The following ECT2 variants were observed in gnomAD, a reference collection of about 807,000 sequenced individuals.
ECT2 encodes protein ECT2.
ECT2 carries 61 observed loss-of-function variants against 116.9 expected under a neutral mutation model. The ratio of observed to expected loss-of-function variants is 0.52; its 90% confidence interval spans 0.42 to 0.65. The LOEUF (loss-of-function observed/expected upper bound fraction) is 0.65, where lower values mean the gene tolerates loss of function less well. Among genes scored for constraint, ECT2 ranks in the 30% least tolerant of loss-of-function variants. ECT2 has a pLI of 0.00. For missense variants in ECT2, 937 were observed against 1,078.7 expected, an observed-to-expected ratio of 0.87 and a Z score of 1.84; for synonymous variants, 358 against 346.4, an observed-to-expected ratio of 1.03 and a Z score of -0.37.
At chr3:172,793,808 G>A (rs559192756) in intron 18 of ECT2, among the ~76,000 whole-genome samples, 5 of 152,112 alleles carry the variant, frequency 3.3e-5, no homozygotes, top group Non-Finnish European at 7.4e-5. Context: ...ATGTTTGGTT[G>A]TCTTTCCTGG....
intron 24 of ECT2, chr3:172,818,674 C>T (rs1489491960): frequency 1.3e-5 from 17 of 1,288,990 alleles, no homozygotes; most frequent in East Asian, 5.6e-5. Flanking sequence ...TTCTGCTTTC[C>T]GAGCTAGTTT....
At chr3:172,798,405 T>C (rs1204385462) in intron 18 of ECT2, among the ~76,000 whole-genome samples, 1 of 152,130 alleles carries the variant, frequency 6.6e-6, no homozygotes, top group Non-Finnish European at 1.5e-5. Flanking sequence ...AATGATTCTA[T>C]CCAACAAGTG....
chr3:172,818,096 A>G (rs1174752387), intron 24 of ECT2, among the ~76,000 whole-genome samples: 1 of 152,128 alleles, frequency 6.6e-6, no homozygotes, highest in Non-Finnish European at 1.5e-5. Context: ...TATTTATAAA[A>G]TTTCCGCAGG....
At chr3:172,785,145 G>A (rs376455021) in intron 17 of ECT2, among the ~76,000 whole-genome samples, 5 of 152,092 alleles carry the variant, frequency 3.3e-5, no homozygotes, top group Admixed American at 6.6e-5. Context: ...TGTATGTCCC[G>A]ACTTTTTTGT....
At chr3:172,767,052 G>C (rs1719539792) in intron 12 of ECT2, among the ~76,000 whole-genome samples, 1 of 152,324 alleles carries the variant, frequency 6.6e-6, no homozygotes, top group Non-Finnish European at 1.5e-5. Context: ...TCCCACTGAA[G>C]TATATTCTGT....
Position 172,782,207 on chromosome 3 carries a change from C to T in ECT2, c.1593C>T (p.Ser531=). Residue 531 remains serine (S), a synonymous_variant, in exon 15 of 25, where the codon AGC becomes AGT. Transcript: ENST00000392692. The part of the protein sequence containing the change: ...DLIVNWDESK[S]IGDIFLKYSK... Reference sequence around the variant, plus strand: ...TAGTTAATTGGGATGAGAGCAAAAGCATTGGTGACATTTTTCTGAAATATG... The same window carrying T: ...TAGTTAATTGGGATGAGAGCAAAAGTATTGGTGACATTTTTCTGAAATATG... 6.4e-7 allele frequency: 1 copy of T among 1,570,588 alleles called. No individual in the cohort carries two copies.
At chr3:172,828,483 T>TAG in the ECT2 span, among the ~76,000 whole-genome samples, 4 of 152,144 alleles carry the variant, frequency 2.6e-5, no homozygotes, top group Non-Finnish European at 4.4e-5. Context: ...AGGTTTATTA[T>TAG]AGAGCTGTAG....
intron 12 of ECT2, 109 bp downstream of exon 12, chr3:172,764,609 T>A: frequency 1.0e-6 from 1 of 996,960 alleles, no homozygotes; most frequent in Non-Finnish European, 1.5e-6. Flanking sequence ...TGCCTTTAAT[T>A]ACCTTTGTTC....
chr3:172,818,010 GTTA>G (rs1285501928), intron 24 of ECT2, among the ~76,000 whole-genome samples: 2 of 152,102 alleles, frequency 1.3e-5, no homozygotes, highest in Non-Finnish European at 2.9e-5. Context: ...GATTAAGCGA[GTTA>G]TTATATGTAA....
intron 20 of ECT2, among the ~76,000 whole-genome samples, chr3:172,804,347 A>C (rs1036920955): frequency 6.6e-6 from 1 of 152,082 alleles, no homozygotes; most frequent in Non-Finnish European, 1.5e-5. Flanking sequence ...TTTTTGGTCA[A>C]TCATGTTGCA....
chr3:172,787,507 T>C (rs536290671), intron 18 of ECT2, among the ~76,000 whole-genome samples: 27 of 152,324 alleles, frequency 1.8e-4, no homozygotes, highest in Non-Finnish European at 2.2e-4. Context: ...TCTGCAGATA[T>C]GGAGGGCCAA....
chr3:172,786,370 TTTAAAAAATAAGGATTGAATA>T, intron 17 of ECT2, 102 bp from the exon 18 acceptor site: 1 of 633,638 alleles, frequency 1.6e-6, no homozygotes, highest in Non-Finnish European at 2.7e-6. Flanking sequence ...CTTAAAACTT[TTTAAAAAATAAGGATTGAATA>T]TTATCTTTAA....
At chr3:172,754,812 C>A (rs1716635155) in intron 2 of ECT2, 152 bp downstream of exon 2, 13 of 630,154 alleles carry the variant, frequency 2.1e-5, no homozygotes, top group Non-Finnish European at 2.9e-5. Flanking sequence ...TACACTATGT[C>A]ATTTTTCTGA....
At chr3:172,795,740 T>C (rs977541145) in intron 18 of ECT2, among the ~76,000 whole-genome samples, 2 of 152,186 alleles carry the variant, frequency 1.3e-5, no homozygotes, top group African/African-American at 2.4e-5. Context: ...GCAAGTAATT[T>C]GAAATCTTTA....
chr3:172,812,134 C>T (rs1000111085), intron 22 of ECT2, among the ~76,000 whole-genome samples: 6 of 152,004 alleles, frequency 3.9e-5, no homozygotes, highest in Admixed American at 6.6e-5. Flanking sequence ...CAGACGTGCA[C>T]GACCATGCCC....
In ECT2 at chr3:172,773,955, C is replaced by T; in HGVS notation, c.1481C>T (p.Ala494Val). The T allele has an allele frequency of 6.2e-7, 1 of 1,612,844 alleles. No homozygotes were observed. The highest frequency in any genetic ancestry group is 8.5e-7 in the Non-Finnish European group (1 of 1,178,916). Residue 494 changes from alanine to valine, a missense_variant, in exon 14 of 25, where the codon GCA becomes GTA. Transcript: ENST00000392692. ...EEGQRGGPILAPEEIKTIFGS... is the reference protein window; with the variant it reads ...EEGQRGGPILVPEEIKTIFGS... ...GGACAACGTGGTGGACCTATCCTTG[C>T]ACCAGAGGAGATTAAGACTATTTTT...
intron 11 of ECT2, among the ~76,000 whole-genome samples, chr3:172,763,407 C>A (rs1025697108): frequency 2.0e-5 from 3 of 152,120 alleles, no homozygotes; most frequent in African/African-American, 7.2e-5. Context: ...TTCGTTAGAA[C>A]CCCAATTGGG....
chr3:172,772,387 G>A (rs1277324222), intron 13 of ECT2, among the ~76,000 whole-genome samples: 2 of 152,106 alleles, frequency 1.3e-5, no homozygotes, highest in Admixed American at 1.3e-4. Context: ...TAGTAGAGAT[G>A]GGGTTTCACC....
chr3:172,762,862 ATAAAAT>A (rs1488827051), intron 10 of ECT2, 42 bp from the exon 11 acceptor site: 1 of 1,610,426 alleles, frequency 6.2e-7, no homozygotes, highest in Non-Finnish European at 8.5e-7. Context: ...AGCTTCTCTG[ATAAAAT>A]AAATGTAAAC....
Sources: gnomAD v4.1 joint callset for allele counts (sites outside exome capture counted in the v4.1 genomes callset) on GRCh38, gnomAD v4.1.1 for gene constraint, MANE v1.5 for transcripts, NCBI Gene and HGNC (gene_info 2026-07-23, HGNC 2026-07-21) for gene names.